The following HTT variants were observed in gnomAD, a reference collection of about 807,000 sequenced individuals.
The protein encoded by HTT is huntington disease protein.
In HTT, 104 loss-of-function variants were observed where a neutral mutation model predicts 362.3. The ratio of observed to expected loss-of-function variants is 0.29; its 90% CI spans 0.24 to 0.34. The LOEUF is 0.34. Ranked by LOEUF, HTT falls within the 10% of genes least tolerant of loss-of-function variation. HTT has a pLI of 1.00. For synonymous variants in HTT, 1,577 were observed against 1,548.7 expected (o/e 1.02, Z -0.43); for missense variants, 3,301 against 3,928.6 (o/e 0.84, Z 4.27).
chr4:3,188,053 T>C (rs559935660), intron 39 of HTT, 167 bp downstream of exon 39: 26 of 586,520 alleles, frequency 4.4e-5, no homozygotes, highest in Admixed American at 3.0e-4. Context: ...TATCTATGGC[T>C]CTTGGTTCAT....
chr4:3,107,308 C>T lies in HTT; in HGVS notation c.632C>T (p.Pro211Leu), dbSNP rs763544334. The part of the protein sequence containing the change: ...KCRPYLVNLL[P>L]CLTRTSKRPE... ...AGGCCTTACCTGGTGAACCTTCTGC[C>T]GTGCCTGACTCGAACAAGCAAGAGA... is the stretch of plus-strand genomic sequence containing the variant. The change falls in exon 6 of 67, where the codon CCG becomes CTG. Residue 211 changes from proline to leucine, a missense_variant. Pro to Leu is a moderately conservative substitution (Grantham distance 98, BLOSUM62 -3). Coordinates refer to ENST00000355072, the MANE Select transcript of HTT (RefSeq NM_001388492.1). 1.1e-5 allele frequency: 18 copies of T among 1,614,050 alleles called. No individual in the cohort carries two copies. Among genetic ancestry groups the T allele is most frequent in the South Asian group, 8.8e-5 (8 of 91,080 alleles).
At chr4:3,212,478 A>T in intron 48 of HTT, 86 bp from the exon 49 acceptor site, 1 of 1,488,924 alleles carries the variant, frequency 6.7e-7, no homozygotes, top group South Asian at 1.2e-5. Context: ...CTTTCATCAG[A>T]TTCTCAGAGA....
intron 51 of HTT, among the ~76,000 whole-genome samples, chr4:3,215,775 G>A (rs1720368647): frequency 6.6e-6 from 1 of 151,968 alleles, no homozygotes; most frequent in Non-Finnish European, 1.5e-5. Flanking sequence ...CATATACTAC[G>A]GCTTTTCATG....
At chr4:3,134,285 G>A (rs1433912447) in intron 18 of HTT, 116 bp from the exon 19 acceptor site, 3 of 775,236 alleles carry the variant, frequency 3.9e-6, no homozygotes, top group Non-Finnish European at 6.2e-6. Flanking sequence ...CAACATCCTG[G>A]TTGCAGTTAA....
intron 1 of HTT, among the ~76,000 whole-genome samples, chr4:3,075,654 G>GT: frequency 1.4e-5 from 2 of 141,718 alleles, no homozygotes; most frequent in African/African-American, 5.1e-5. Flanking sequence ...GGGCAGGGGG[G>GT]GGGCGGGGAG....
chr4:3,177,882 A>G (rs971565484), intron 34 of HTT, among the ~76,000 whole-genome samples: 3 of 152,222 alleles, frequency 2.0e-5, no homozygotes, highest in African/African-American at 7.2e-5. Flanking sequence ...TAATTAGGAA[A>G]ATTTAGTGCA....
intron 26 of HTT, 122 bp from the exon 27 acceptor site, chr4:3,154,171 G>C: frequency 1.3e-6 from 1 of 757,522 alleles, no homozygotes; most frequent in Non-Finnish European, 2.1e-6. Context: ...AGAACAAAAT[G>C]AGTGACATGG....
At chr4:3,223,192 T>C (rs944807510) in intron 54 of HTT, among the ~76,000 whole-genome samples, 18 of 152,212 alleles carry the variant, frequency 1.2e-4, no homozygotes, top group African/African-American at 4.3e-4. Context: ...GAGTCCTTGA[T>C]TTGAAAAATG....
intron 11 of HTT, among the ~76,000 whole-genome samples, chr4:3,126,314 A>G (rs926733503): frequency 1.3e-5 from 2 of 152,140 alleles, no homozygotes; most frequent in African/African-American, 4.8e-5. Context: ...TCAGCCTCCC[A>G]CAGTGCCGGG....
intron 15 of HTT, 72 bp from the exon 16 acceptor site, chr4:3,131,566 G>A: frequency 3.2e-6 from 5 of 1,586,834 alleles, no homozygotes; most frequent in Non-Finnish European, 4.3e-6. Context: ...GTAGGTTATT[G>A]GGTCTGGTTT....
intron 1 of HTT, among the ~76,000 whole-genome samples, chr4:3,078,153 G>A (rs1202515116): frequency 2.0e-5 from 3 of 152,192 alleles, no homozygotes; most frequent in South Asian, 2.1e-4. Flanking sequence ...CAGTAATTAG[G>A]AGGCAATTAA....
intron 60 of HTT, 46 bp from the exon 61 acceptor site, chr4:3,233,114 GGAC>G (rs1721342349): frequency 2.7e-6 from 4 of 1,498,058 alleles, no homozygotes; most frequent in Non-Finnish European, 3.6e-6. Context: ...GGAGCCACTG[GGAC>G]GTGAGCTCTG....
intron 29 of HTT, among the ~76,000 whole-genome samples, chr4:3,170,110 C>A (rs1013714255): frequency 1.1e-4 from 16 of 152,074 alleles, no homozygotes; most frequent in African/African-American, 3.6e-4. Flanking sequence ...TGTATGGCTG[C>A]CAATTTTTTA....
chr4:3,150,193 G>A (rs993025483), intron 26 of HTT, among the ~76,000 whole-genome samples: 1 of 152,172 alleles, frequency 6.6e-6, no homozygotes, highest in African/African-American at 2.4e-5. Context: ...CTATAACCAT[G>A]GCAGTGCTCC....
chr4:3,211,988 T>C lies in HTT; in HGVS notation c.6474T>C (p.Gly2158=), dbSNP rs140124504. ...CLSLGMSEIS[G]GQKSALFEAA... The stretch of plus-strand genomic sequence containing the variant: ...GCCTAGGGATGAGTGAAATTTCTGG[T>C]GGCCAGAAGAGTGCCCTTTTTGAAG... The change falls in exon 48 of 67, where the codon GGT becomes GGC. Residue 2158 remains glycine (G), a synonymous_variant. Coordinates refer to ENST00000355072, the MANE Select transcript of HTT (RefSeq NM_001388492.1). 1.3e-3 allele frequency: 2,137 copies of C among 1,614,190 alleles called. 12 individuals carry two copies. Among genetic ancestry groups the C allele is most frequent in the Middle Eastern group, 5.1e-3 (31 of 6,062 alleles).
At chr4:3,163,884 T>C (rs939407066) in intron 29 of HTT, among the ~76,000 whole-genome samples, 1 of 147,928 alleles carries the variant, frequency 6.8e-6, no homozygotes. Context: ...CCTGGATTCA[T>C]TGATTTTTTT....
At position 3,174,701 on chromosome 4, in the gene HTT, C is replaced by G. The variant is rs538333038; in HGVS notation, c.4167-20C>G. The G allele has an allele frequency of 3.4e-5, 55 of 1,594,730 alleles. No homozygotes were observed. The South Asian group carries it at 5.4e-4, about 16-fold the overall frequency. On this transcript the variant is annotated intron_variant, in intron 31 of 66. Transcript: ENST00000355072. ...AAAGATATTCTCATTCTCTGCTTCC[C>G]TTTTATTCCCATTTGGCAGATGGTT... is the stretch of plus-strand genomic sequence containing the variant.
In HTT at chr4:3,187,757, T is replaced by C. The variant is rs1321073138; in HGVS notation, c.5096T>C (p.Leu1699Pro). 1 of 1,613,550 alleles carries C rather than the reference T, an allele frequency of 6.2e-7. No homozygotes were observed. Among genetic ancestry groups the C allele is most frequent in the South Asian group, 1.1e-5 (1 of 91,074 alleles). ...EDIVLSRIQE[L>P]SFSPYLISCT... ...ATTGTTCTTTCTCGTATTCAGGAGCTCTCCTTCTCTCCGTATTTAATCTCC... is the reference window on the plus strand; with the variant it reads ...ATTGTTCTTTCTCGTATTCAGGAGCCCTCCTTCTCTCCGTATTTAATCTCC... Residue 1699 changes from leucine to proline, a missense_variant, in exon 39 of 67, where the codon CTC (leucine) becomes CCC (proline). Coordinates refer to ENST00000355072, the MANE Select transcript of HTT (RefSeq NM_001388492.1).
intron 1 of HTT, among the ~76,000 whole-genome samples, chr4:3,083,778 A>G (rs538892246): frequency 2.6e-5 from 4 of 152,278 alleles, no homozygotes; most frequent in East Asian, 3.9e-4. Context: ...AGCAACTACA[A>G]TCCTGGGCAT....
Sources: allele counts gnomAD v4.1 joint callset (sites outside exome capture counted in the v4.1 genomes callset), GRCh38; gene constraint gnomAD v4.1.1; transcripts MANE v1.5; gene names NCBI Gene and HGNC (gene_info 2026-07-23, HGNC 2026-07-21).